The following SCAPER variants were observed in gnomAD, a reference collection of about 807,000 sequenced individuals.
SCAPER encodes the protein S phase cyclin A-associated protein in the endoplasmic reticulum.
SCAPER carries 98 observed loss-of-function variants against 182.2 expected under a neutral mutation model. The observed-to-expected ratio is 0.54, with a 90% CI of 0.46 to 0.64. SCAPER has a LOEUF of 0.64. SCAPER is among the 30% of genes least tolerant of loss of function. The pLI is 0.00. For synonymous variants in SCAPER, 605 were observed against 564.6 expected, an observed-to-expected ratio of 1.07 and a Z score of -1.01; for missense variants, 1,432 against 1,690.0, an observed-to-expected ratio of 0.85 and a Z score of 2.68.
chr15:76,754,357 TATAA>T (rs1201862514), intron 14 of SCAPER, among the ~76,000 whole-genome samples: 3 of 152,028 alleles, frequency 2.0e-5, no homozygotes, highest in Non-Finnish European at 4.4e-5. Flanking sequence ...TTCTTGTCCT[TATAA>T]ATGTTAACAT....
intron 14 of SCAPER, among the ~76,000 whole-genome samples, chr15:76,764,462 G>A (rs189897755): frequency 1.3e-5 from 2 of 152,222 alleles, no homozygotes; most frequent in Non-Finnish European, 1.5e-5. Context: ...GTGGCCATGT[G>A]TGTGCATGGC....
At chr15:76,497,109 C>CTTTTTT (rs57202860) in intron 24 of SCAPER, among the ~76,000 whole-genome samples, 3 of 86,718 alleles carry the variant, frequency 3.5e-5, no homozygotes, top group Admixed American at 1.4e-4. Context: ...TTGGTCTCCT[C>CTTTTTT]TTTTTTTTTT....
chr15:76,458,431 T>TAC (rs1182647686), intron 25 of SCAPER, among the ~76,000 whole-genome samples: 3 of 152,038 alleles, frequency 2.0e-5, no homozygotes, highest in African/African-American at 7.2e-5. Context: ...CACATATATA[T>TAC]ACACATATAT....
At chr15:76,543,179 A>C (rs1287494022) in intron 23 of SCAPER, among the ~76,000 whole-genome samples, 1 of 152,182 alleles carries the variant, frequency 6.6e-6, no homozygotes, top group Non-Finnish European at 1.5e-5. Flanking sequence ...GGGAGGTGTA[A>C]TATGTTACTG....
intron 15 of SCAPER, among the ~76,000 whole-genome samples, chr15:76,741,068 G>A (rs888390608): frequency 6.6e-6 from 1 of 151,934 alleles, no homozygotes; most frequent in African/African-American, 2.4e-5. Flanking sequence ...TGATTAACAC[G>A]ATAAACTCAA....
chr15:76,826,731 T>C (rs2068053227), intron 5 of SCAPER, among the ~76,000 whole-genome samples: 1 of 152,222 alleles, frequency 6.6e-6, no homozygotes, highest in South Asian at 2.1e-4. Context: ...GTGTTTGATG[T>C]AAGGCATTTT....
intron 23 of SCAPER, among the ~76,000 whole-genome samples, chr15:76,560,216 T>C (rs1433314358): frequency 6.6e-6 from 1 of 152,130 alleles, no homozygotes; most frequent in Admixed American, 6.6e-5. Flanking sequence ...GGAAATGGAA[T>C]TAGTACCCTT....
chr15:76,592,097 A>C (rs1271324751), intron 22 of SCAPER, among the ~76,000 whole-genome samples: 2 of 151,460 alleles, frequency 1.3e-5, no homozygotes, highest in Non-Finnish European at 2.9e-5. Flanking sequence ...CTACCTACCT[A>C]CAGATTATAT....
chr15:76,359,601 G>A (rs1482952979), intron 29 of SCAPER, among the ~76,000 whole-genome samples: 1 of 152,232 alleles, frequency 6.6e-6, no homozygotes, highest in East Asian at 1.9e-4. Context: ...GGCTGGTGTT[G>A]TGGGCTCCTG....
chr15:76,438,428 A>C (rs1411289822), intron 25 of SCAPER, among the ~76,000 whole-genome samples: 1 of 152,234 alleles, frequency 6.6e-6, no homozygotes, highest in Non-Finnish European at 1.5e-5. Flanking sequence ...AAATAAGCTC[A>C]ATGTAAAGCA....
chr15:76,666,492 T>G (rs1031268899), intron 20 of SCAPER, among the ~76,000 whole-genome samples: 3 of 152,186 alleles, frequency 2.0e-5, no homozygotes, highest in African/African-American at 7.2e-5. Flanking sequence ...CCCTTTCTTC[T>G]TTCATACATG....
At chr15:76,661,932 A>G (rs1238366116) in intron 21 of SCAPER, among the ~76,000 whole-genome samples, 1 of 152,242 alleles carries the variant, frequency 6.6e-6, no homozygotes, top group African/African-American at 2.4e-5. Context: ...GAACCAACCC[A>G]AATGCCCATC....
At chr15:76,453,175 G>C (rs559980690) in intron 25 of SCAPER, among the ~76,000 whole-genome samples, 3 of 152,170 alleles carry the variant, frequency 2.0e-5, no homozygotes, top group Non-Finnish European at 2.9e-5. Context: ...ATACTCACAT[G>C]ATGCCCCATC....
intron 18 of SCAPER, among the ~76,000 whole-genome samples, chr15:76,705,334 T>C (rs1242541025): frequency 2.2e-5 from 3 of 134,614 alleles, no homozygotes; most frequent in Non-Finnish European, 4.6e-5. Context: ...CACTCATAGA[T>C]GGGAATTGAA....
At chr15:76,550,284 T>A (rs1033741612) in intron 23 of SCAPER, among the ~76,000 whole-genome samples, 1 of 152,138 alleles carries the variant, frequency 6.6e-6, no homozygotes, top group Non-Finnish European at 1.5e-5. Context: ...TTGCTGTACC[T>A]GTCAACCCAT....
At chr15:76,884,344 C>T (rs571313175) in intron 1 of SCAPER, among the ~76,000 whole-genome samples, 334 of 152,258 alleles carry the variant, frequency 2.2e-3, no homozygotes, top group African/African-American at 7.7e-3. Flanking sequence ...TGTAACTTTC[C>T]TTAAGAATGT....
intron 25 of SCAPER, among the ~76,000 whole-genome samples, chr15:76,443,008 A>G (rs1236266825): frequency 1.3e-5 from 2 of 152,204 alleles, no homozygotes; most frequent in Admixed American, 1.3e-4. Flanking sequence ...AAATGAGAAG[A>G]CAGATAAACA....
intron 23 of SCAPER, among the ~76,000 whole-genome samples, chr15:76,562,746 T>C (rs138258004): frequency 0.011 from 1,646 of 152,308 alleles, 16 homozygotes; most frequent in Middle Eastern, 0.041. Context: ...ACATATGTTA[T>C]GACCCAGGAA....
intron 27 of SCAPER, among the ~76,000 whole-genome samples, chr15:76,388,465 A>C (rs2043434328): frequency 1.3e-5 from 2 of 152,002 alleles, no homozygotes; most frequent in African/African-American, 4.8e-5. Flanking sequence ...CTGAAAAAAA[A>C]AATTCTAATA....
Sources: gnomAD v4.1 joint callset for allele counts (sites outside exome capture counted in the v4.1 genomes callset) on GRCh38, gnomAD v4.1.1 for gene constraint, MANE v1.5 for transcripts, NCBI Gene and HGNC (gene_info 2026-07-23, HGNC 2026-07-21) for gene names.